Variants in PLPP3 observed in about 807,000 individuals in gnomAD.
PLPP3 encodes the protein PAP2 beta.
A neutral mutation model predicts 29.6 loss-of-function variants in PLPP3; 6 were observed. The ratio of observed to expected loss-of-function variants is 0.20; its 90% CI spans 0.11 to 0.40. The LOEUF is 0.40. Ranked by LOEUF, PLPP3 falls within the 10% of genes least tolerant of loss-of-function variation. The pLI, the probability that PLPP3 is intolerant of heterozygous loss-of-function variation, is 1.00. For missense variants in PLPP3, 308 were observed against 407.7 expected, an observed-to-expected ratio of 0.76 and a Z score of 2.11; for synonymous variants, 152 against 159.7, an observed-to-expected ratio of 0.95 and a Z score of 0.36.
chr1:56,555,443 A>AC (rs1646069056), intron 1 of PLPP3, among the ~76,000 whole-genome samples: 1 of 147,586 alleles, frequency 6.8e-6, no homozygotes, highest in Non-Finnish European at 1.5e-5. Context: ...TAAAAAAAAA[A>AC]AAAAAAAAAA....
At chr1:56,529,519 A>G (rs547482371) in intron 2 of PLPP3, among the ~76,000 whole-genome samples, 1 of 152,324 alleles carries the variant, frequency 6.6e-6, no homozygotes, top group Non-Finnish European at 1.5e-5. Flanking sequence ...ACTGTTGATG[A>G]TGGAGAATCG....
intron 2 of PLPP3, among the ~76,000 whole-genome samples, chr1:56,534,942 T>C (rs898732727): frequency 6.6e-6 from 1 of 152,128 alleles, no homozygotes; most frequent in South Asian, 2.1e-4. Context: ...AACTATAAGA[T>C]AAGAGTGGGG....
intron 1 of PLPP3, among the ~76,000 whole-genome samples, chr1:56,551,175 G>A (rs190460460): frequency 1.3e-5 from 2 of 152,264 alleles, no homozygotes; most frequent in East Asian, 1.9e-4. Flanking sequence ...ATCCACAGAT[G>A]TACACAGGTA....
intron 5 of PLPP3, among the ~76,000 whole-genome samples, chr1:56,499,214 T>A (rs1645650190): frequency 3.3e-5 from 5 of 152,098 alleles, no homozygotes. Context: ...ATAGGAATCA[T>A]ATGAAGATTA....
chr1:56,499,704 A>C (rs1246111989), intron 5 of PLPP3, among the ~76,000 whole-genome samples: 2 of 152,232 alleles, frequency 1.3e-5, no homozygotes, highest in Non-Finnish European at 2.9e-5. Flanking sequence ...AGGTTACACA[A>C]ACACTTTTTT....
chr1:56,556,055 G>T (rs12088488), intron 1 of PLPP3, among the ~76,000 whole-genome samples: 21,664 of 152,104 alleles, frequency 0.14, 1,932 homozygotes, highest in South Asian at 0.3. Flanking sequence ...AGGCCTAAAT[G>T]CAAATCAAAC....
intron 4 of PLPP3, among the ~76,000 whole-genome samples, chr1:56,514,770 G>A (rs1306468112): frequency 6.6e-6 from 1 of 152,092 alleles, no homozygotes; most frequent in Non-Finnish European, 1.5e-5. Flanking sequence ...ATGATTTCAT[G>A]CAAAGCACTG....
In PLPP3 at chr1:56,537,871, G is replaced by A. The variant is rs183234048; in HGVS notation, c.140-759C>T. Reference sequence around the variant, plus strand: ...CCAGGAGAACCAAGTGACTCTTGCAGTTGCTGCTGGTTATCAGTGGCCAGC... The same window carrying A: ...CCAGGAGAACCAAGTGACTCTTGCAATTGCTGCTGGTTATCAGTGGCCAGC... On this transcript the variant is annotated intron_variant, in intron 1 of 5. Transcript: ENST00000371250. Among the ~76,000 whole-genome samples, 4 of 152,328 alleles carry A rather than the reference G, an allele frequency of 2.6e-5. No homozygotes were observed. The East Asian group carries it at 7.7e-4, about 29-fold the overall frequency.
At chr1:56,533,035 C>T (rs1421581967) in intron 2 of PLPP3, among the ~76,000 whole-genome samples, 1 of 151,604 alleles carries the variant, frequency 6.6e-6, no homozygotes, top group Admixed American at 6.6e-5. Flanking sequence ...CCCCGTCTTC[C>T]AGCAACCTAT....
chr1:56,547,664 T>C (rs1017917322), intron 1 of PLPP3, among the ~76,000 whole-genome samples: 1 of 152,192 alleles, frequency 6.6e-6, no homozygotes, highest in South Asian at 2.1e-4. Flanking sequence ...AGGAGACTGC[T>C]GCTCAGTGAT....
At chr1:56,577,717 T>C (rs1646245444) in intron 1 of PLPP3, among the ~76,000 whole-genome samples, 2 of 152,180 alleles carry the variant, frequency 1.3e-5, no homozygotes, top group South Asian at 4.1e-4. Context: ...TTTCTTCAGT[T>C]AGCAGAGTTG....
chr1:56,536,837 AG>A, intron 2 of PLPP3, 117 bp downstream of exon 2: 1 of 1,300,282 alleles, frequency 7.7e-7, no homozygotes, highest in Non-Finnish European at 1.1e-6. Context: ...GGCTAAATAT[AG>A]GCCAGAGAAA....
chr1:56,516,085 C>T lies in PLPP3; in HGVS notation c.634-3933G>A, dbSNP rs563470505. Among the ~76,000 whole-genome samples, 325 of 152,140 alleles carry T rather than the reference C, an allele frequency of 2.1e-3. 2 individuals are homozygous for T. The highest frequency in any genetic ancestry group is 3.8e-3 in the Non-Finnish European group (261 of 68,000). ...GTTTTGGTGAAACTTAAAGAAGAGT[C>T]GAGAATGAGATTGCACAATGACTTT... is the stretch of plus-strand genomic sequence containing the variant. On this transcript the variant is annotated intron_variant, in intron 4 of 5. Coordinates refer to ENST00000371250, the MANE Select transcript of PLPP3 (RefSeq NM_003713.5).
At chr1:56,570,250 T>C (rs1646188548) in intron 1 of PLPP3, among the ~76,000 whole-genome samples, 1 of 152,200 alleles carries the variant, frequency 6.6e-6, no homozygotes, top group Non-Finnish European at 1.5e-5. Flanking sequence ...TCAATGAGAA[T>C]GGTTTCCTTC....
intron 1 of PLPP3, among the ~76,000 whole-genome samples, chr1:56,562,036 C>CAAAAA (rs71048439): frequency 5.9e-5 from 3 of 50,970 alleles, no homozygotes; most frequent in African/African-American, 1.7e-4. Context: ...CTCCGTTTCA[C>CAAAAA]AAAAAAAAAA....
At chr1:56,555,326 C>T (rs1646067413) in intron 1 of PLPP3, among the ~76,000 whole-genome samples, 1 of 146,474 alleles carries the variant, frequency 6.8e-6, no homozygotes, top group Non-Finnish European at 1.5e-5. Flanking sequence ...TGGCTGGTTA[C>T]ATTATCTCGT....
intron 4 of PLPP3, among the ~76,000 whole-genome samples, chr1:56,521,318 A>G (rs1443957759): frequency 6.6e-6 from 1 of 152,042 alleles, no homozygotes; most frequent in African/African-American, 2.4e-5. Context: ...ATTTCTCTGT[A>G]ATATCACATA....
In PLPP3 at chr1:56,497,454, T is replaced by G. The variant is rs114162080; in HGVS notation, c.811-778A>C. Among the ~76,000 whole-genome samples the G allele has an allele frequency of 4.6e-3, 702 of 152,298 alleles. 3 individuals carry two copies. Among genetic ancestry groups the G allele is most frequent in the African/African-American group, 0.013 (559 of 41,558 alleles). ...GATGAGCTACTGGAGTAAGAAAAAT[T>G]TATGCTTTGTATTAGATGGCAAAAT... On this transcript the variant is annotated intron_variant, in intron 5 of 5. Transcript: ENST00000371250.
intron 4 of PLPP3, chr1:56,513,240 C>T (rs559089805): frequency 2.8e-4 from 43 of 152,636 alleles, no homozygotes; most frequent in Non-Finnish European, 1.5e-5. Context: ...GTTGAAATGA[C>T]GTCAACTGGG....
Sources: gnomAD v4.1 joint callset for allele counts (sites outside exome capture counted in the v4.1 genomes callset) on GRCh38, gnomAD v4.1.1 for gene constraint, MANE v1.5 for transcripts, NCBI Gene and HGNC (gene_info 2026-07-23, HGNC 2026-07-21) for gene names.